HDAC9: variants seen among roughly 807,000 people sequenced by gnomAD.
The protein encoded by HDAC9 is MEF-2 interacting transcription repressor (MITR) protein.
Under a neutral mutation model 139.4 loss-of-function variants are expected in HDAC9, and 41 were observed. The observed-to-expected ratio is 0.29, with a 90% confidence interval of 0.23 to 0.38. The LOEUF is 0.38. Ranked by LOEUF, HDAC9 falls within the 10% of genes least tolerant of loss-of-function variation. The pLI is 1.00. For missense variants in HDAC9, 1,147 were observed against 1,297.0 expected (o/e 0.88, Z 1.78); for synonymous variants, 517 against 476.2 (o/e 1.09, Z -1.12).
At chr7:18,766,953 G>A (rs1482967821) in intron 15 of HDAC9, among the ~76,000 whole-genome samples, 153 bp from the exon 16 acceptor site, 2 of 152,132 alleles carry the variant, frequency 1.3e-5, no homozygotes, top group Non-Finnish European at 2.9e-5. Flanking sequence ...TCTGAAAATT[G>A]TGTTGAATAA....
At chr7:18,634,973 T>C (rs1160881675) in intron 8 of HDAC9, among the ~76,000 whole-genome samples, 1 of 152,108 alleles carries the variant, frequency 6.6e-6, no homozygotes, top group East Asian at 1.9e-4. Context: ...CATAAATAAA[T>C]ATCAATTTTT....
Position 18,782,396 on chromosome 7 carries a change from C to T in HDAC9, c.2215-10949C>T, listed in dbSNP as rs147345667. 3.5e-3 allele frequency among the ~76,000 whole-genome samples: 533 copies of T among 152,138 alleles called. 3 individuals are homozygous for T. Among genetic ancestry groups the T allele is most frequent in the African/African-American group, 0.012 (490 of 41,528 alleles). ...AAATTCCTTTTCTTTTAAGTCATTC[C>T]CTTTCCGTTTTAAATACCTTCACAT... On this transcript the variant is annotated intron_variant, in intron 16 of 25. Coordinates refer to ENST00000686413, the MANE Select transcript of HDAC9 (RefSeq NM_178425.4).
chr7:18,556,530 A>G (rs962704735), intron 2 of HDAC9, among the ~76,000 whole-genome samples: 7 of 152,204 alleles, frequency 4.6e-5, no homozygotes, highest in Middle Eastern at 3.4e-3. Context: ...AAGCGTCTTT[A>G]CTATCTAAAT....
chr7:18,162,590 C>T, intron 2 of HDAC9: 1 of 525,276 alleles, frequency 1.9e-6, no homozygotes, highest in East Asian at 3.3e-5. Context: ...TTTAATTCTT[C>T]TGCTTCCAAG....
At chr7:18,673,775 G>T (rs1795797318) in intron 12 of HDAC9, among the ~76,000 whole-genome samples, 2 of 151,892 alleles carry the variant, frequency 1.3e-5, no homozygotes, top group Non-Finnish European at 2.9e-5. Flanking sequence ...TTTTGCTCTT[G>T]CCAGTATCTT....
intron 6 of HDAC9, among the ~76,000 whole-genome samples, chr7:18,620,093 C>A (rs939234428): frequency 1.3e-5 from 2 of 152,146 alleles, no homozygotes; most frequent in African/African-American, 4.8e-5. Flanking sequence ...TTTTCCCATT[C>A]CTTGATTCCT....
At chr7:18,422,542 C>A (rs1349859131) in intron 1 of HDAC9, among the ~76,000 whole-genome samples, 1 of 152,012 alleles carries the variant, frequency 6.6e-6, no homozygotes, top group Non-Finnish European at 1.5e-5. Context: ...CTAAAGAGCA[C>A]TCTATTAGGC....
intron 1 of HDAC9, among the ~76,000 whole-genome samples, chr7:18,090,167 G>GAT (rs1782051583): frequency 6.6e-6 from 1 of 152,274 alleles, no homozygotes; most frequent in Admixed American, 6.5e-5. Flanking sequence ...CAGGTACACT[G>GAT]ATATACCCAA....
At position 18,591,753 on chromosome 7, in the gene HDAC9, G is replaced by A. The variant is rs543459843; in HGVS notation, c.542+111G>A. On this transcript the variant is annotated intron_variant, in intron 5 of 25. Coordinates refer to ENST00000686413, the MANE Select transcript of HDAC9 (RefSeq NM_178425.4). ...TGCCATTTCTCAGCTGTCTGGCTGT[G>A]GGCAAGTTCCTTCAGTTCTCTAAGG... The A allele has an allele frequency of 1.3e-5, 18 of 1,409,382 alleles. No homozygotes were observed. The South Asian group carries it at 2.5e-4, about 20-fold the overall frequency. The allele number at this position is 1,409,382 out of a possible 1,614,324, so 87.3% of individuals were successfully genotyped here.
intron 1 of HDAC9, among the ~76,000 whole-genome samples, chr7:18,303,524 G>T (rs1798710208): frequency 6.6e-6 from 1 of 151,936 alleles, no homozygotes; most frequent in African/African-American, 2.4e-5. Context: ...TGGGATTAAA[G>T]GCTTGAACCA....
chr7:18,589,092 G>A (rs957263098), intron 3 of HDAC9, among the ~76,000 whole-genome samples: 52 of 152,020 alleles, frequency 3.4e-4, no homozygotes, highest in African/African-American at 1.2e-3. Context: ...TAACTTGTCC[G>A]GATTTCATAT....
In HDAC9 at chr7:18,184,324, C is replaced by A. The variant is rs1789736949; in HGVS notation, c.25+21975C>A. On this transcript the variant is annotated intron_variant, in intron 2 of 12. Transcript: ENST00000417496. Reference sequence around the variant, plus strand: ...CTGAGGCAGGAGAATTGCTTGAACCCAGGAGGGTGAGGTTGCGGTGAGCCA... The same window carrying A: ...CTGAGGCAGGAGAATTGCTTGAACCAAGGAGGGTGAGGTTGCGGTGAGCCA... Among the ~76,000 whole-genome samples, 3 of 152,116 alleles carry A rather than the reference C, an allele frequency of 2.0e-5. No individual in the cohort carries two copies. The South Asian group carries it at 6.2e-4, about 32-fold the overall frequency.
upstream of HDAC9, among the ~76,000 whole-genome samples, chr7:18,287,820 G>C (rs570049822): frequency 3.9e-5 from 6 of 152,320 alleles, no homozygotes; most frequent in African/African-American, 1.4e-4. Flanking sequence ...TCTGGATGCC[G>C]CAATGCTTGG....
chr7:18,244,279 A>G (rs892693837), intron 2 of HDAC9, among the ~76,000 whole-genome samples: 2 of 152,196 alleles, frequency 1.3e-5, no homozygotes, highest in African/African-American at 4.8e-5. Context: ...AGGGCCAAAC[A>G]CAAAAACAAA....
intron 25 of HDAC9, among the ~76,000 whole-genome samples, chr7:18,991,329 G>A (rs1585508966): frequency 6.6e-6 from 1 of 152,322 alleles, no homozygotes; most frequent in East Asian, 1.9e-4. Context: ...AAATCAGTTT[G>A]TGAATACTGG....
chr7:18,723,582 G>A (rs1392109222), intron 12 of HDAC9, among the ~76,000 whole-genome samples: 1 of 152,118 alleles, frequency 6.6e-6, no homozygotes, highest in Non-Finnish European at 1.5e-5. Context: ...ACACTGGACA[G>A]GTAGGATGCT....
chr7:18,893,063 A>G (rs1396760064), intron 22 of HDAC9, among the ~76,000 whole-genome samples: 2 of 151,516 alleles, frequency 1.3e-5, no homozygotes, highest in Non-Finnish European at 2.9e-5. Flanking sequence ...AAGAAAAGAA[A>G]AGAACCCTAA....
intron 2 of HDAC9, among the ~76,000 whole-genome samples, chr7:18,530,069 G>A (rs1808369306): frequency 6.6e-6 from 1 of 152,010 alleles, no homozygotes; most frequent in Non-Finnish European, 1.5e-5. Flanking sequence ...CCAAGTTCAA[G>A]TGGAGTTTGA....
At chr7:18,509,701 AT>A (rs2128182845) in intron 2 of HDAC9, among the ~76,000 whole-genome samples, 1 of 150,904 alleles carries the variant, frequency 6.6e-6, no homozygotes, top group South Asian at 2.1e-4. Flanking sequence ...ACCATCACTG[AT>A]TTCCCCTCAC....
Sources: gnomAD v4.1 joint callset for allele counts (sites outside exome capture counted in the v4.1 genomes callset) on GRCh38, gnomAD v4.1.1 for gene constraint, MANE v1.5 for transcripts, NCBI Gene and HGNC (gene_info 2026-07-23, HGNC 2026-07-21) for gene names.